The following RYR3 variants were observed in gnomAD, a reference collection of about 807,000 sequenced individuals.
The protein encoded by RYR3 is ryanodine receptor 3.
A neutral mutation model predicts 584.3 loss-of-function variants in RYR3; 207 were observed. The ratio of observed to expected loss-of-function variants is 0.35; its 90% CI spans 0.32 to 0.40. The LOEUF is 0.40. RYR3 is among the 10% of genes least tolerant of loss of function. The probability of loss-of-function intolerance (pLI) is 1.00; values close to 1 mark genes in which losing one functional copy is unlikely to be tolerated. For synonymous variants in RYR3, 2,416 were observed against 2,248.5 expected (o/e 1.07, Z -2.11); for missense variants, 5,616 against 6,089.2 (o/e 0.92, Z 2.59).
chr15:33,409,563 G>C (rs903928840), intron 1 of RYR3, among the ~76,000 whole-genome samples: 1 of 152,166 alleles, frequency 6.6e-6, no homozygotes, highest in Non-Finnish European at 1.5e-5. Flanking sequence ...GTGGGACAGT[G>C]GTTGGGCCCA....
intron 33 of RYR3, 95 bp downstream of exon 33, chr15:33,659,901 C>A: frequency 1.2e-6 from 1 of 847,626 alleles, no homozygotes; most frequent in Admixed American, 2.1e-5. Flanking sequence ...TGGGAGAAGC[C>A]TGTTCACTTC....
chr15:33,450,796 T>TGC (rs1418687888), intron 1 of RYR3, among the ~76,000 whole-genome samples: 6 of 152,156 alleles, frequency 3.9e-5, no homozygotes, highest in African/African-American at 1.4e-4. Flanking sequence ...CTAAAACATG[T>TGC]GCGCAAACCA....
intron 11 of RYR3, among the ~76,000 whole-genome samples, chr15:33,563,726 A>G (rs987452171): frequency 6.6e-6 from 1 of 152,214 alleles, no homozygotes; most frequent in East Asian, 1.9e-4. Flanking sequence ...GTTGAGGTAT[A>G]GCAGCCTAAG....
chr15:33,541,357 G>C (rs543431489), intron 7 of RYR3, among the ~76,000 whole-genome samples: 4 of 152,172 alleles, frequency 2.6e-5, no homozygotes, highest in Non-Finnish European at 5.9e-5. Flanking sequence ...GTTTTCACTT[G>C]TATTTATGGA....
chr15:33,831,678 T>C (rs1362256925), intron 86 of RYR3, among the ~76,000 whole-genome samples: 1 of 152,270 alleles, frequency 6.6e-6, no homozygotes, highest in Non-Finnish European at 1.5e-5. Flanking sequence ...TAGTATTTTC[T>C]ATTCATTGTC....
At chr15:33,699,595 C>A in intron 40 of RYR3, 109 bp from the exon 41 acceptor site, 1 of 962,558 alleles carries the variant, frequency 1.0e-6, no homozygotes, top group Non-Finnish European at 1.5e-6. Context: ...GGAGAAAGTT[C>A]ATTTTTCCAA....
intron 2 of RYR3, among the ~76,000 whole-genome samples, chr15:33,496,449 G>A (rs1452013890): frequency 6.6e-6 from 1 of 152,128 alleles, no homozygotes; most frequent in African/African-American, 2.4e-5. Flanking sequence ...ATGCAGTGGT[G>A]TACTACTTTT....
intron 98 of RYR3, 117 bp from the exon 99 acceptor site, chr15:33,857,663 C>G: frequency 1.5e-6 from 2 of 1,304,062 alleles, no homozygotes; most frequent in Non-Finnish European, 2.1e-6. Context: ...ACCCCTTCCC[C>G]ATTTCCTCTC....
At chr15:33,578,787 A>ACAAC (rs879506892) in intron 12 of RYR3, among the ~76,000 whole-genome samples, 1 of 143,868 alleles carries the variant, frequency 7.0e-6, no homozygotes, top group African/African-American at 2.5e-5. Flanking sequence ...AACAACAACA[A>ACAAC]AAAAAAACTC....
chr15:33,608,929 A>G (rs1283252386), intron 18 of RYR3, among the ~76,000 whole-genome samples: 1 of 152,238 alleles, frequency 6.6e-6, no homozygotes, highest in African/African-American at 2.4e-5. Context: ...TGGAGGGCAT[A>G]TGGCAGCTAT....
chr15:33,528,601 T>C (rs1035103100), intron 3 of RYR3, among the ~76,000 whole-genome samples: 1 of 152,338 alleles, frequency 6.6e-6, no homozygotes, highest in African/African-American at 2.4e-5. Context: ...GGAGACAGTA[T>C]AGCACATAGT....
Position 33,722,802 on chromosome 15 carries a change from G to A in RYR3, c.6707G>A (p.Gly2236Glu), listed in dbSNP as rs780130684. ...TTCGGCCCGGCCCTGCGGGGTGAGG[G>A]GGGAAACGGGCTCTTGGCAGCCATG... Reference protein sequence around the residue: ...ECFGPALRGEGGNGLLAAMQG... With the variant: ...ECFGPALRGEEGNGLLAAMQG... The change falls in exon 44 of 104, where the codon GGG becomes GAG. Residue 2236 changes from glycine to glutamate, a missense_variant. By Grantham distance (98) the Gly-to-Glu change is moderately conservative (BLOSUM62 -2). Transcript: ENST00000634891. The A allele has an allele frequency of 1.2e-6, 2 of 1,613,220 alleles. No individual in the cohort carries two copies. The highest frequency in any genetic ancestry group is 1.7e-6 in the Non-Finnish European group (2 of 1,179,658).
intron 18 of RYR3, among the ~76,000 whole-genome samples, chr15:33,608,681 C>T (rs1358280047): frequency 1.3e-5 from 2 of 152,188 alleles, no homozygotes; most frequent in Non-Finnish European, 2.9e-5. Context: ...ATATTAGTCC[C>T]AACTCTGTTC....
intron 10 of RYR3, among the ~76,000 whole-genome samples, chr15:33,554,161 C>T (rs1291488638): frequency 6.6e-6 from 1 of 152,134 alleles, no homozygotes; most frequent in Admixed American, 6.5e-5. Flanking sequence ...ACCACACATA[C>T]CCCACCCTGC....
At chr15:33,415,091 G>A (rs1469382494) in intron 1 of RYR3, among the ~76,000 whole-genome samples, 1 of 152,184 alleles carries the variant, frequency 6.6e-6, no homozygotes, top group Non-Finnish European at 1.5e-5. Flanking sequence ...GATGTGTTAA[G>A]TATAAGAGGC....
At chr15:33,726,945 C>G (rs1035678996) in intron 46 of RYR3, among the ~76,000 whole-genome samples, 1 of 152,218 alleles carries the variant, frequency 6.6e-6, no homozygotes, top group Non-Finnish European at 1.5e-5. Flanking sequence ...TCAATCTGCT[C>G]TCTTGTCTGT....
intron 16 of RYR3, among the ~76,000 whole-genome samples, chr15:33,595,995 C>G (rs1315405466): frequency 2.0e-5 from 3 of 151,400 alleles, no homozygotes; most frequent in African/African-American, 7.3e-5. Flanking sequence ...TTTAAAAAAT[C>G]AGTGATTTTA....
At chr15:33,819,436 C>T (rs1438737881) in intron 76 of RYR3, among the ~76,000 whole-genome samples, 13 of 151,982 alleles carry the variant, frequency 8.6e-5, no homozygotes, top group Admixed American at 8.5e-4. Context: ...TTTTGGGAGG[C>T]CAAGGCAGGC....
At position 33,603,205 on chromosome 15, in the gene RYR3, G is replaced by A. The variant is rs374941142; in HGVS notation, c.2005G>A (p.Val669Met). The A allele has an allele frequency of 1.1e-5, 17 of 1,613,802 alleles. No homozygotes were observed. The highest frequency in any genetic ancestry group is 9.3e-5 in the African/African-American group (7 of 74,912). ...GTACTTCGAGCTGATTATCGACCAG[G>A]TGGACCCCTTCCTAACAGCAGAGCC... ...KWYFELIIDQVDPFLTAEPTH... is the reference protein window; with the variant it reads ...KWYFELIIDQMDPFLTAEPTH... The change falls in exon 18 of 104, where the codon GTG becomes ATG. Residue 669 changes from valine (V) to methionine (M), a missense_variant. By Grantham distance (21) the Val-to-Met change is conservative. Around this residue, in one of 9 missense-constraint regions of RYR3, gnomAD observed 1,284 missense variants for 1,344.6 expected, o/e 0.95. Coordinates refer to ENST00000634891, the MANE Select transcript of RYR3 (RefSeq NM_001036.6).
Sources: gnomAD v4.1 joint callset for allele counts (sites outside exome capture counted in the v4.1 genomes callset) on GRCh38, gnomAD v4.1.1 for gene constraint, gnomAD v4.1.1 regional missense constraint, MANE v1.5 for transcripts, NCBI Gene and HGNC (gene_info 2026-07-23, HGNC 2026-07-21) for gene names.